The following EPB41L2 variants were observed in gnomAD, a reference collection of about 807,000 sequenced individuals.
The protein encoded by EPB41L2 is erythrocyte membrane protein band 4.1 like 2.
Under a neutral mutation model 113.0 loss-of-function variants are expected in EPB41L2, and 43 were observed. That is an observed-to-expected ratio of 0.38 (90% CI 0.30 to 0.49). The LOEUF (loss-of-function observed/expected upper bound fraction) is 0.49, where lower values mean the gene tolerates loss of function less well. Ranked by LOEUF, EPB41L2 falls within the 20% of genes least tolerant of loss-of-function variation. EPB41L2 has a pLI of 0.95. For missense variants in EPB41L2, 1,147 were observed against 1,223.4 expected (o/e 0.94, Z 0.93); for synonymous variants, 442 against 436.7 (o/e 1.01, Z -0.15).
At chr6:130,963,836 A>G (rs1040972405) in intron 1 of EPB41L2, among the ~76,000 whole-genome samples, 1 of 152,196 alleles carries the variant, frequency 6.6e-6, no homozygotes, top group African/African-American at 2.4e-5. Context: ...TGGCAATCCA[A>G]CAACACACAC....
At chr6:130,877,749 CTAAG>C in intron 14 of EPB41L2, among the ~76,000 whole-genome samples, 1 of 152,114 alleles carries the variant, frequency 6.6e-6, no homozygotes, top group East Asian at 1.9e-4. Flanking sequence ...ATTATTTATA[CTAAG>C]TAAATGTCCC....
chr6:130,929,503 A>G (rs533350968), intron 3 of EPB41L2, among the ~76,000 whole-genome samples: 6 of 152,270 alleles, frequency 3.9e-5, no homozygotes, highest in African/African-American at 1.4e-4. Context: ...CGACTCTCAG[A>G]TGACTGTGAG....
intron 3 of EPB41L2, among the ~76,000 whole-genome samples, chr6:130,931,125 A>T (rs1019036448): frequency 6.6e-6 from 1 of 152,098 alleles, no homozygotes; most frequent in Non-Finnish European, 1.5e-5. Context: ...AGAGTCCTAG[A>T]TGGAGATGAG....
At position 130,854,454 on chromosome 6, in the gene EPB41L2, G is replaced by A. The variant is rs139470695; in HGVS notation, c.*5+3677C>T. Among the ~76,000 whole-genome samples, 11 of 152,222 alleles carry A rather than the reference G, an allele frequency of 7.2e-5. No individual in the cohort carries two copies. The East Asian group carries it at 2.1e-3, about 29-fold the overall frequency. ...TCATAAAAGTTAGCCTCTGAGATGG[G>A]CAAACTTCAAAAGTTGTGTGTGTGT... On this transcript the variant is annotated intron_variant, in intron 19 of 19. Coordinates refer to ENST00000337057, the MANE Select transcript of EPB41L2 (RefSeq NM_001431.4).
chr6:130,953,138 CT>C (rs1815823275), intron 3 of EPB41L2, among the ~76,000 whole-genome samples: 1 of 151,426 alleles, frequency 6.6e-6, no homozygotes, highest in Non-Finnish European at 1.5e-5. Flanking sequence ...TCTCAAAAAT[CT>C]ACATCCCCTA....
rs762822784 is a variant in EPB41L2, at chr6:130,895,107, C to A, written c.1249G>T (p.Val417Leu). ...DLHHAKDSEGVDIKLGVCANG... is the reference protein window; with the variant it reads ...DLHHAKDSEGLDIKLGVCANG... ...GCACACACGCCCAGCTTGATGTCCA[C>A]ACCTTCTGAGTCCTGCCAAGCATAA... The change falls in exon 9 of 20, where the codon GTG becomes TTG. Residue 417 changes from valine (V) to leucine (L), a missense_variant. Coordinates refer to ENST00000337057, the MANE Select transcript of EPB41L2 (RefSeq NM_001431.4). 13 of 1,610,418 alleles carry A rather than the reference C, an allele frequency of 8.1e-6. No individual in the cohort carries two copies. The highest frequency in any genetic ancestry group is 1.3e-5 in the African/African-American group (1 of 74,818).
rs1583230094 is a variant in EPB41L2 at position 130,899,595 on chromosome 6, A to T, written c.1149-17T>A. 1 of 1,607,002 alleles carries T rather than the reference A, an allele frequency of 6.2e-7. No individual in the cohort carries two copies. Among genetic ancestry groups the T allele is most frequent in the Middle Eastern group, 1.7e-4 (1 of 6,042 alleles). Reference sequence around the variant, plus strand: ...GATAAGCCCCTGAGAATCAAAAGAAACAGTATTATCTTATTAATGGATGCA... The same window carrying T: ...GATAAGCCCCTGAGAATCAAAAGAATCAGTATTATCTTATTAATGGATGCA... On this transcript the variant is annotated splice_polypyrimidine_tract_variant and intron_variant, in intron 7 of 19. Transcript: ENST00000337057.
At position 131,017,168 on chromosome 6, in the gene EPB41L2, A is replaced by G. The variant is rs151259772; in HGVS notation, c.-15+45987T>C. On this transcript the variant is annotated intron_variant, in intron 1 of 19. Coordinates refer to ENST00000337057, the MANE Select transcript of EPB41L2 (RefSeq NM_001431.4). ...TCCTACCTGTCATATTATCTCATAA[A>G]GTTATTAGAATACTTAAATAAAAAT... 3.5e-3 allele frequency among the ~76,000 whole-genome samples: 526 copies of G among 152,322 alleles called. 1 individual carries two copies. Among genetic ancestry groups the G allele is most frequent in the African/African-American group, 0.012 (508 of 41,578 alleles).
chr6:130,907,932 G>T (rs1007438347), intron 5 of EPB41L2, among the ~76,000 whole-genome samples: 1 of 152,128 alleles, frequency 6.6e-6, no homozygotes, highest in Non-Finnish European at 1.5e-5. Context: ...ACAACTCTGG[G>T]CTCCACAGTC....
At chr6:130,974,717 C>CTTTTTTTTTTTTTTTTTTTTTTTTTTTT (rs71030723) in intron 1 of EPB41L2, among the ~76,000 whole-genome samples, 2 of 64,642 alleles carry the variant, frequency 3.1e-5, no homozygotes, top group African/African-American at 6.2e-5. Context: ...CTTTTCTTTT[C>CTTTTTTTTTTTTTTTTTTTTTTTTTTTT]TTTTTTTTTT....
chr6:130,853,721 A>G (rs1779424628), intron 19 of EPB41L2, among the ~76,000 whole-genome samples: 1 of 152,220 alleles, frequency 6.6e-6, no homozygotes, highest in South Asian at 2.1e-4. Context: ...ACACTTGATC[A>G]AAAGCTCAGA....
At chr6:131,004,103 T>A (rs1784934802) in intron 1 of EPB41L2, among the ~76,000 whole-genome samples, 1 of 152,236 alleles carries the variant, frequency 6.6e-6, no homozygotes, top group African/African-American at 2.4e-5. Flanking sequence ...GGCAGGCCTG[T>A]GAACGACTTG....
chr6:130,960,103 CAAATAAT>C (rs1818839453), intron 1 of EPB41L2, among the ~76,000 whole-genome samples: 1 of 152,108 alleles, frequency 6.6e-6, no homozygotes, highest in Non-Finnish European at 1.5e-5. Context: ...CCCTGTTTTA[CAAATAAT>C]AAACAGTAGT....
In EPB41L2 at chr6:131,010,524, T is replaced by C. The variant is rs562377198; in HGVS notation, c.-15+52631A>G. 3.4e-4 allele frequency among the ~76,000 whole-genome samples: 51 copies of C among 152,016 alleles called. 1 individual carries two copies. The highest frequency in any genetic ancestry group is 3.0e-3 in the Admixed American group (46 of 15,262). On this transcript the variant is annotated intron_variant, in intron 1 of 19. Transcript: ENST00000337057. ...GCCTCCTGGGTTCAGGTAATTCTCG[T>C]GTCTCAGCCTCCCAAGTAGCTGGGA...
chr6:130,907,396 G>A (rs916461349), intron 5 of EPB41L2, among the ~76,000 whole-genome samples: 5 of 152,112 alleles, frequency 3.3e-5, no homozygotes, highest in African/African-American at 1.2e-4. Context: ...CATGAAGCAA[G>A]CATAAATGGA....
intron 19 of EPB41L2, among the ~76,000 whole-genome samples, chr6:130,849,674 A>G (rs774765428): frequency 6.6e-6 from 1 of 152,330 alleles, no homozygotes; most frequent in South Asian, 2.1e-4. Context: ...TGCAAATTAT[A>G]TGTGTGTGTC....
intron 1 of EPB41L2, among the ~76,000 whole-genome samples, chr6:131,056,371 C>T (rs1397077892): frequency 3.3e-5 from 5 of 152,178 alleles, no homozygotes; most frequent in Non-Finnish European, 7.3e-5. Context: ...TATCCCTGTG[C>T]TGTTGAAACT....
At chr6:130,927,042 A>C (rs1804999372) in intron 3 of EPB41L2, among the ~76,000 whole-genome samples, 1 of 152,200 alleles carries the variant, frequency 6.6e-6, no homozygotes, top group Non-Finnish European at 1.5e-5. Context: ...TCAATTCCTC[A>C]AGGTGGCTCA....
intron 3 of EPB41L2, among the ~76,000 whole-genome samples, chr6:130,948,110 T>C (rs1813564893): frequency 6.6e-6 from 1 of 152,210 alleles, no homozygotes; most frequent in Non-Finnish European, 1.5e-5. Flanking sequence ...CCAAAGTTCA[T>C]TCTTATAATG....
Sources: allele counts gnomAD v4.1 joint callset (sites outside exome capture counted in the v4.1 genomes callset), GRCh38; gene constraint gnomAD v4.1.1; transcripts MANE v1.5; gene names NCBI Gene and HGNC (gene_info 2026-07-23, HGNC 2026-07-21).